Variants in RNF114 observed in about 807,000 individuals in gnomAD.
The protein encoded by RNF114 is E3 ubiquitin-protein ligase RNF114.
In RNF114, 6 loss-of-function variants were observed where a neutral mutation model predicts 28.4. The ratio of observed to expected loss-of-function variants is 0.21; its 90% CI spans 0.12 to 0.42. The LOEUF is 0.42. Ranked by LOEUF, RNF114 falls within the 10% of genes least tolerant of loss-of-function variation. The probability of loss-of-function intolerance (pLI) is 1.00; values close to 1 mark genes in which losing one functional copy is unlikely to be tolerated. For missense variants in RNF114, 249 were observed against 311.7 expected (o/e 0.80, Z 1.51); for synonymous variants, 115 against 116.7 (o/e 0.99, Z 0.09).
chr20:49,951,984 G>C (rs1490881316), intron 5 of RNF114, 92 bp from the exon 6 acceptor site: 5 of 1,082,158 alleles, frequency 4.6e-6, no homozygotes, highest in Non-Finnish European at 7.1e-6. Context: ...ACCTGCTCCG[G>C]ATCCAGTTGC....
chr20:49,941,954 C>T lies in RNF114; in HGVS notation c.291+243C>T, dbSNP rs145092461. On this transcript the variant is annotated intron_variant, in intron 2 of 5. Coordinates refer to ENST00000244061, the MANE Select transcript of RNF114 (RefSeq NM_018683.4). ...TTGAAAGCCATAGAAATCAGTTATC[C>T]CAGTTTTTTCCTATAAAAGATCAAT... 2.7e-4 allele frequency: 125 copies of T among 462,794 alleles called. No homozygotes were observed. The Middle Eastern group carries it at 3.3e-3, about 12-fold the overall frequency. 28.7% of individuals were successfully genotyped at this position (462,794 alleles called of 1,614,324 possible). A position where few individuals can be genotyped will look rare whatever the true frequency, so the allele number is the denominator to read the frequency against.
Position 49,946,063 on chromosome 20 carries a change from T to C in RNF114, c.399-73T>C, listed in dbSNP as rs776346359. 291 of 695,264 alleles carry C rather than the reference T, an allele frequency of 4.2e-4. 1 individual carries two copies. The highest frequency in any genetic ancestry group is 5.0e-4 in the Non-Finnish European group (204 of 404,732). The allele number at this position is 695,264 out of a possible 1,614,324, so 43.1% of individuals were successfully genotyped here. On this transcript the variant is annotated intron_variant, in intron 3 of 5. Transcript: ENST00000244061. ...TGGTGAGCTTTGCTCCTTTTTGGAG[T>C]GTACTGTGGTTGAAGTTTAATGGAA...
intron 5 of RNF114, 62 bp downstream of exon 5, chr20:49,949,417 T>C: frequency 7.2e-7 from 1 of 1,381,386 alleles, no homozygotes; most frequent in Non-Finnish European, 1.0e-6. Context: ...ACTTCACTCT[T>C]CTCAAAAGGG....
chr20:49,949,605 A>G (rs1424796756), intron 5 of RNF114, among the ~76,000 whole-genome samples: 1 of 152,134 alleles, frequency 6.6e-6, no homozygotes, highest in Non-Finnish European at 1.5e-5. Flanking sequence ...TGTAGCTACT[A>G]TACAGTTTCT....
intron 5 of RNF114, among the ~76,000 whole-genome samples, chr20:49,951,189 C>T (rs1018203535): frequency 2.6e-5 from 4 of 151,852 alleles, no homozygotes; most frequent in African/African-American, 9.7e-5. Flanking sequence ...AAGCTCTCTG[C>T]TAAATTGTCA....
At chr20:49,949,455 T>A in intron 5 of RNF114, 100 bp downstream of exon 5, 1 of 973,038 alleles carries the variant, frequency 1.0e-6, no homozygotes, top group Non-Finnish European at 1.6e-6. Flanking sequence ...TGTTGAACTT[T>A]GTCGCTGTTG....
At position 49,941,714 on chromosome 20, in the gene RNF114, A is replaced by G; in HGVS notation, c.291+3A>G. 3 of 1,610,448 alleles carry G rather than the reference A, an allele frequency of 1.9e-6. No homozygotes were observed. Among genetic ancestry groups the G allele is most frequent in the South Asian group, 1.1e-5 (1 of 90,918 alleles). ...CTTGCCATGGCTGCCGTAAGAATGT[A>G]TGTGGAAGTGATGTGGAAGAGTCCA... On this transcript the variant is annotated splice_donor_region_variant and intron_variant, in intron 2 of 5. Coordinates refer to ENST00000244061, the MANE Select transcript of RNF114 (RefSeq NM_018683.4).
intron 4 of RNF114, among the ~76,000 whole-genome samples, chr20:49,947,398 G>A (rs1049882673): frequency 6.6e-6 from 1 of 152,002 alleles, no homozygotes; most frequent in Admixed American, 6.5e-5. Flanking sequence ...TGTTGTATGG[G>A]CAGCCTTCAG....
At chr20:49,936,653 C>A (rs2090287812) in intron 1 of RNF114, 101 bp downstream of exon 1, 3 of 1,412,400 alleles carry the variant, frequency 2.1e-6, no homozygotes, top group Admixed American at 5.9e-5. Context: ...AGGACCCACC[C>A]AGAGGGGCCT....
chr20:49,946,910 T>C (rs1194056194), intron 4 of RNF114, among the ~76,000 whole-genome samples: 2 of 142,216 alleles, frequency 1.4e-5, no homozygotes, highest in Non-Finnish European at 3.1e-5. Flanking sequence ...CTGGCATGTG[T>C]AGTCTCCTTT....
At chr20:49,940,773 C>T (rs112100974) in intron 1 of RNF114, among the ~76,000 whole-genome samples, 5 of 151,032 alleles carry the variant, frequency 3.3e-5, no homozygotes, top group Admixed American at 1.3e-4. Context: ...CCTCCACCCC[C>T]CCCTTGAGAC....
intron 2 of RNF114, among the ~76,000 whole-genome samples, chr20:49,943,651 C>CTTTTTTTTTT (rs60425763): frequency 1.7e-4 from 12 of 72,122 alleles, no homozygotes; most frequent in Admixed American, 4.4e-4. Context: ...CTACTGTCTT[C>CTTTTTTTTTT]TTTTTTTTTT....
intron 1 of RNF114, among the ~76,000 whole-genome samples, chr20:49,939,284 C>T (rs1315600229): frequency 6.6e-6 from 1 of 152,124 alleles, no homozygotes; most frequent in East Asian, 1.9e-4. Flanking sequence ...TTTCCATTGC[C>T]CTCAGTGGTG....
rs2090286489 is a variant in RNF114, at chr20:49,936,512, G to C, written c.100G>C (p.Glu34Gln). ...ACGCTTCACGTGTCCCGTGTGCTTA[G>C]AGGTGTACGAGAAGCCGGTACAGGT... Reference protein sequence around the residue: ...LGRFTCPVCLEVYEKPVQVPC... With the variant: ...LGRFTCPVCLQVYEKPVQVPC... The change falls in exon 1 of 6, where the codon GAG becomes CAG. Residue 34 changes from glutamate to glutamine, a missense_variant. Physicochemically the swap from Glu to Gln is conservative, Grantham distance 29 (BLOSUM62 2). This residue lies in a region of RNF114 where 123 missense variants were observed against 106.4 expected (regional missense o/e 1.16). Coordinates refer to ENST00000244061, the MANE Select transcript of RNF114 (RefSeq NM_018683.4). 1.9e-6 allele frequency: 3 copies of C among 1,583,492 alleles called. No individual in the cohort carries two copies. The South Asian group carries it at 3.4e-5, about 18-fold the overall frequency.
At chr20:49,941,402 C>T (rs1365164032) in intron 1 of RNF114, among the ~76,000 whole-genome samples, 159 bp from the exon 2 acceptor site, 1 of 152,206 alleles carries the variant, frequency 6.6e-6, no homozygotes, top group Non-Finnish European at 1.5e-5. Context: ...TCCTATCCCT[C>T]ATTTTTTCTG....
chr20:49,946,298 CA>C (rs1343476664), intron 4 of RNF114, 48 bp downstream of exon 4: 1 of 999,138 alleles, frequency 1.0e-6, no homozygotes, highest in Non-Finnish European at 1.5e-6. Context: ...GGGAAAGGAT[CA>C]AGCTTGGAGA....
chr20:49,941,769 G>C, intron 2 of RNF114, 58 bp downstream of exon 2: 1 of 1,567,098 alleles, frequency 6.4e-7, no homozygotes, highest in Non-Finnish European at 8.7e-7. Context: ...GGGGTAAAAC[G>C]TACAGCTGCC....
At chr20:49,947,192 T>C (rs2090335534) in intron 4 of RNF114, among the ~76,000 whole-genome samples, 2 of 132,798 alleles carry the variant, frequency 1.5e-5, no homozygotes, top group African/African-American at 6.2e-5. Context: ...TGCACTCTAG[T>C]CTGGGCAGCA....
rs925310273 is a variant in RNF114 at position 49,949,459 on chromosome 20, G to A, written c.621+104G>A. 2.3e-5 allele frequency: 22 copies of A among 960,956 alleles called. 1 individual carries two copies. Among genetic ancestry groups the A allele is most frequent in the South Asian group, 8.1e-5 (6 of 74,346 alleles). 59.5% of individuals were successfully genotyped at this position (960,956 alleles called of 1,614,324 possible). A position where few individuals can be genotyped will look rare whatever the true frequency, so the allele number is the denominator to read the frequency against. On this transcript the variant is annotated intron_variant, in intron 5 of 5. Transcript: ENST00000244061. ...GGGATCCCCAGTGTTGAACTTTGTC[G>A]CTGTTGTGATGGGCTTCCAGTCTGT... is the stretch of plus-strand genomic sequence containing the variant.
Sources: gnomAD v4.1 joint callset for allele counts (sites outside exome capture counted in the v4.1 genomes callset) on GRCh38, gnomAD v4.1.1 for gene constraint, gnomAD v4.1.1 regional missense constraint, MANE v1.5 for transcripts, NCBI Gene and HGNC (gene_info 2026-07-23, HGNC 2026-07-21) for gene names.